Variants in SPRED2 observed in about 807,000 individuals in gnomAD.
SPRED2 encodes the protein sprouty-related, EVH1 domain-containing protein 2.
A neutral mutation model predicts 43.0 loss-of-function variants in SPRED2; 47 were observed. The ratio of observed to expected loss-of-function variants is 1.09; its 90% confidence interval spans 0.87 to 1.40. The LOEUF (loss-of-function observed/expected upper bound fraction) is 1.40. SPRED2 is among the 40% of genes most tolerant of loss of function. SPRED2 has a pLI of 0.00. For synonymous variants in SPRED2, 225 were observed against 225.7 expected (o/e 1.00, Z 0.03); for missense variants, 561 against 586.4 (o/e 0.96, Z 0.45).
chr2:65,363,005 G>GTTTTTTTTTTTTTT (rs113081105), intron 1 of SPRED2, among the ~76,000 whole-genome samples: 3 of 121,070 alleles, frequency 2.5e-5, no homozygotes, highest in African/African-American at 9.7e-5. Context: ...ATCATGTTTT[G>GTTTTTTTTTTTTTT]TTTTTTTTTT....
chr2:65,394,925 A>G (rs1675720219), intron 1 of SPRED2, among the ~76,000 whole-genome samples: 1 of 152,186 alleles, frequency 6.6e-6, no homozygotes, highest in African/African-American at 2.4e-5. Flanking sequence ...TGCTAATTGT[A>G]GTGATTTTTA....
intron 1 of SPRED2, among the ~76,000 whole-genome samples, chr2:65,371,932 C>T (rs377577706): frequency 7.2e-5 from 11 of 152,030 alleles, no homozygotes; most frequent in East Asian, 3.9e-4. Flanking sequence ...AAAAATTATC[C>T]GGGTGTGGTG....
chr2:65,347,934 C>A (rs1331840897), intron 1 of SPRED2, among the ~76,000 whole-genome samples: 1 of 152,104 alleles, frequency 6.6e-6, no homozygotes, highest in Non-Finnish European at 1.5e-5. Flanking sequence ...GCTGCAGTAG[C>A]CTTCTAACTG....
intron 2 of SPRED2, among the ~76,000 whole-genome samples, chr2:65,335,612 T>C (rs915715234): frequency 2.6e-5 from 4 of 152,222 alleles, no homozygotes; most frequent in African/African-American, 9.6e-5. Flanking sequence ...GTACTCCAAT[T>C]CTCCTTCTTG....
chr2:65,413,300 C>T (rs549752688), intron 1 of SPRED2, among the ~76,000 whole-genome samples: 1 of 152,310 alleles, frequency 6.6e-6, no homozygotes, highest in South Asian at 2.1e-4. Flanking sequence ...AGCCTTTACC[C>T]TGACGGTGGC....
chr2:65,325,836 A>T lies in SPRED2; in HGVS notation c.438+6151T>A, dbSNP rs531238350. ...ATATCTTTGTAAAAATACAAAAATT[A>T]TCTGGGTGTGGTGGCAGGTGCCTGT... On this transcript the variant is annotated intron_variant, in intron 4 of 5. Coordinates refer to ENST00000356388, the MANE Select transcript of SPRED2 (RefSeq NM_181784.3). Among the ~76,000 whole-genome samples the T allele has an allele frequency of 2.2e-4, 33 of 152,290 alleles. No homozygotes were observed. The South Asian group carries it at 3.9e-3, about 18-fold the overall frequency.
At chr2:65,428,326 C>G (rs1004499558) in intron 1 of SPRED2, among the ~76,000 whole-genome samples, 4 of 152,214 alleles carry the variant, frequency 2.6e-5, no homozygotes, top group Admixed American at 6.5e-5. Flanking sequence ...TGCCTTAGAT[C>G]ATAAAGTGAG....
intron 4 of SPRED2, among the ~76,000 whole-genome samples, chr2:65,317,406 G>C (rs554114558): frequency 1.3e-5 from 2 of 151,964 alleles, no homozygotes; most frequent in Non-Finnish European, 2.9e-5. Flanking sequence ...CCAGCTACTC[G>C]GGAGGCTGAA....
At position 65,326,131 on chromosome 2, in the gene SPRED2, A is replaced by G. The variant is rs145118498; in HGVS notation, c.438+5856T>C. The stretch of plus-strand genomic sequence containing the variant: ...ATTATTTTTGCTGCAATCTACCACC[A>G]AAATATATCTCAATAGCTGATGTAA... On this transcript the variant is annotated intron_variant, in intron 4 of 5. Coordinates refer to ENST00000356388, the MANE Select transcript of SPRED2 (RefSeq NM_181784.3). 5.3e-3 allele frequency among the ~76,000 whole-genome samples: 807 copies of G among 152,316 alleles called. 8 individuals carry two copies. The highest frequency in any genetic ancestry group is 0.018 in the African/African-American group (752 of 41,560).
intron 1 of SPRED2, among the ~76,000 whole-genome samples, chr2:65,406,980 G>A (rs1676039368): frequency 6.6e-6 from 1 of 151,588 alleles, no homozygotes; most frequent in African/African-American, 2.4e-5. Context: ...CCAGGCTGGA[G>A]TGCAGTGGTG....
At chr2:65,357,461 A>G (rs957502614) in intron 1 of SPRED2, among the ~76,000 whole-genome samples, 5 of 152,218 alleles carry the variant, frequency 3.3e-5, no homozygotes, top group African/African-American at 1.2e-4. Context: ...AGACTGCAGA[A>G]GGGACTTGTT....
intron 1 of SPRED2, among the ~76,000 whole-genome samples, chr2:65,348,790 T>C (rs1572859586): frequency 9.1e-6 from 1 of 109,702 alleles, no homozygotes; most frequent in Admixed American, 9.0e-5. Context: ...CAAAACTCCG[T>C]CTAAAAAAAA....
At chr2:65,401,655 G>A (rs951125307) in intron 1 of SPRED2, among the ~76,000 whole-genome samples, 6 of 151,654 alleles carry the variant, frequency 4.0e-5, no homozygotes, top group South Asian at 4.2e-4. Flanking sequence ...AAAATTAGCC[G>A]GGCATGGTGG....
intron 1 of SPRED2, among the ~76,000 whole-genome samples, chr2:65,428,176 C>A (rs1413960513): frequency 6.6e-6 from 1 of 152,192 alleles, no homozygotes; most frequent in Non-Finnish European, 1.5e-5. Context: ...ACATAGGGCA[C>A]CTGTTTTATG....
chr2:65,310,801 G>T, downstream of SPRED2: 4 of 906,376 alleles, frequency 4.4e-6, no homozygotes, highest in Non-Finnish European at 5.3e-6. Context: ...ATCTGCCAAC[G>T]CTCTAGCATC....
intron 1 of SPRED2, among the ~76,000 whole-genome samples, chr2:65,348,912 T>C (rs1674427770): frequency 6.6e-6 from 1 of 152,196 alleles, no homozygotes; most frequent in Non-Finnish European, 1.5e-5. Flanking sequence ...TTCCTAAAAA[T>C]TGAAAAATCA....
chr2:65,401,937 G>GCACACACA (rs1553426622), intron 1 of SPRED2, among the ~76,000 whole-genome samples: 31 of 114,694 alleles, frequency 2.7e-4, no homozygotes, highest in South Asian at 7.8e-4. Flanking sequence ...GCGCGCGCGC[G>GCACACACA]CACACACACA....
rs761665293 is a variant in SPRED2, at chr2:65,386,285, C to CAAAAAAA, written c.27-41396_27-41390dup. Among the ~76,000 whole-genome samples the CAAAAAAA allele has an allele frequency of 2.0e-4, 11 of 55,488 alleles. 4 individuals are homozygous for CAAAAAAA. The highest frequency in any genetic ancestry group is 2.8e-4 in the African/African-American group (3 of 10,632). The allele number at this position is 55,488 out of a possible 152,430, so 36.4% of individuals were successfully genotyped here. ...GGGCGACAAGAGTGAGACTCTGTCTCAAAAAAAAAAAAAAAAAAAGAAAGC... is the reference window on the plus strand; with the variant it reads ...GGGCGACAAGAGTGAGACTCTGTCTCAAAAAAAAAAAAAAAAAAAAAAAAAAGAAAGC... On this transcript the variant is annotated intron_variant, in intron 1 of 5. Coordinates refer to ENST00000356388, the MANE Select transcript of SPRED2 (RefSeq NM_181784.3).
chr2:65,313,877 C>T lies in SPRED2; in HGVS notation c.881G>A (p.Arg294Gln), dbSNP rs1212067010. 1.9e-6 allele frequency: 3 copies of T among 1,610,496 alleles called. No homozygotes were observed. The highest frequency in any genetic ancestry group is 4.5e-5 in the East Asian group (2 of 44,872). Residue 294 changes from arginine (R) to glutamine (Q), a missense_variant, in exon 6 of 6, where the codon CGG becomes CAG. Coordinates refer to ENST00000356388, the MANE Select transcript of SPRED2 (RefSeq NM_181784.3). ...GGSVIKTQPS[R>Q]GKSRRRKEDG... ...CTCCTTCCGCCGCCGCGACTTGCCC[C>T]GGGAGGGCTGCGTCTTGATCACGCT...
Sources: gnomAD v4.1 joint callset for allele counts (sites outside exome capture counted in the v4.1 genomes callset) on GRCh38, gnomAD v4.1.1 for gene constraint, MANE v1.5 for transcripts, NCBI Gene and HGNC (gene_info 2026-07-23, HGNC 2026-07-21) for gene names.